The following ANKDD1B variants were observed in gnomAD, a reference collection of about 807,000 sequenced individuals.
ANKDD1B encodes the protein ankyrin repeat and death domain-containing protein 1B.
ANKDD1B carries 57 observed loss-of-function variants against 59.7 expected under a neutral mutation model. The observed-to-expected ratio is 0.95, with a 90% CI of 0.77 to 1.19. The LOEUF (loss-of-function observed/expected upper bound fraction) is 1.19, where lower values mean the gene tolerates loss of function less well. ANKDD1B is among the 50% of genes most tolerant of loss of function. ANKDD1B has a pLI of 0.00. For synonymous variants in ANKDD1B, 216 were observed against 239.5 expected, an observed-to-expected ratio of 0.90 and a Z score of 0.91; for missense variants, 602 against 641.9, an observed-to-expected ratio of 0.94 and a Z score of 0.67.
intron 1 of ANKDD1B, among the ~76,000 whole-genome samples, chr5:75,612,191 T>A (rs1000650576): frequency 6.6e-6 from 1 of 152,232 alleles, no homozygotes; most frequent in African/African-American, 2.4e-5. Context: ...AGTCAGTCAC[T>A]TAATCTTTCT....
intron 7 of ANKDD1B, among the ~76,000 whole-genome samples, chr5:75,648,271 A>AAAAAAAAATT (rs1561444218): frequency 4.1e-5 from 2 of 49,182 alleles, no homozygotes; most frequent in Non-Finnish European, 8.5e-5. Flanking sequence ...AAAAATTAAA[A>AAAAAAAAATT]AAAAAAAAAA....
intron 3 of ANKDD1B, among the ~76,000 whole-genome samples, chr5:75,622,070 C>T (rs1032355874): frequency 6.6e-6 from 1 of 152,206 alleles, no homozygotes; most frequent in African/African-American, 2.4e-5. Context: ...CTGGCAGCTT[C>T]TTTATCTGAA....
rs1774968680 is a variant in ANKDD1B at position 75,656,111 on chromosome 5, T to C, written c.980T>C (p.Ile327Thr). ...AGTTTATTAAGTGCACAGCATGATA[T>C]TGACATCTTAAATCAGGTAAGCCAG... ...VNSLLSAQHD[I>T]DILNQKQQTP... Residue 327 changes from isoleucine to threonine, a missense_variant, in exon 9 of 14, where the codon ATT becomes ACT. Physicochemically the swap from Ile to Thr is moderately conservative, Grantham distance 89 (BLOSUM62 -1). Around this residue, in one of 3 missense-constraint regions of ANKDD1B, gnomAD observed 280 missense variants for 319.8 expected, o/e 0.88. Coordinates refer to ENST00000601380, the MANE Select transcript of ANKDD1B (RefSeq NM_001276713.2). 1.3e-6 allele frequency: 2 copies of C among 1,515,186 alleles called. No homozygotes were observed. The highest frequency in any genetic ancestry group is 8.9e-7 in the Non-Finnish European group (1 of 1,129,806). The allele number at this position is 1,515,186 out of a possible 1,614,324, so 93.9% of individuals were successfully genotyped here. A position where few individuals can be genotyped will look rare whatever the true frequency, so the allele number is the denominator to read the frequency against.
chr5:75,620,302 TA>T lies in ANKDD1B; in HGVS notation c.298-12del. ...TGATCAGATGACTAAAAACATAAAT[TA>T]TGCTTCCTCAGATGAACCGCACAGC... On this transcript the variant is annotated splice_polypyrimidine_tract_variant and intron_variant, in intron 2 of 13. Transcript: ENST00000601380. 1 of 1,416,376 alleles carries T rather than the reference TA, an allele frequency of 7.1e-7. No homozygotes were observed. Among genetic ancestry groups the T allele is most frequent in the Non-Finnish European group, 9.5e-7 (1 of 1,047,414 alleles). The allele number at this position is 1,416,376 out of a possible 1,614,324, so 87.7% of individuals were successfully genotyped here. A position where few individuals can be genotyped will look rare whatever the true frequency, so the allele number is the denominator to read the frequency against.
At chr5:75,663,762 T>TGAGC (rs1019254216) in intron 11 of ANKDD1B, among the ~76,000 whole-genome samples, 2 of 152,238 alleles carry the variant, frequency 1.3e-5, no homozygotes, top group Non-Finnish European at 2.9e-5. Context: ...GCCTAGCGTG[T>TGAGC]GAGCCCCTGA....
intron 11 of ANKDD1B, among the ~76,000 whole-genome samples, chr5:75,666,175 C>T (rs1314183184): frequency 6.6e-6 from 1 of 152,148 alleles, no homozygotes; most frequent in East Asian, 1.9e-4. Flanking sequence ...AGTCAGAAAA[C>T]AAGATGCCAA....
intron 7 of ANKDD1B, among the ~76,000 whole-genome samples, chr5:75,639,599 C>T (rs968711640): frequency 1.3e-5 from 2 of 152,170 alleles, no homozygotes; most frequent in Admixed American, 1.3e-4. Context: ...GGTTTCTACA[C>T]TCTTGTGTTC....
intron 7 of ANKDD1B, among the ~76,000 whole-genome samples, chr5:75,648,612 G>T (rs897764290): frequency 3.9e-5 from 6 of 152,168 alleles, no homozygotes; most frequent in African/African-American, 1.2e-4. Flanking sequence ...GCCTGGAAAT[G>T]ATCGTGAATC....
At position 75,622,313 on chromosome 5, in the gene ANKDD1B, C is replaced by A. The variant is rs193003503; in HGVS notation, c.396+1900C>A. On this transcript the variant is annotated intron_variant, in intron 3 of 13. Coordinates refer to ENST00000601380, the MANE Select transcript of ANKDD1B (RefSeq NM_001276713.2). ...GAAATGCAGGATCTCAGGCCCCACC[C>A]CAGGCCTTAATCAGAATCTGCATTT... 2.8e-4 allele frequency among the ~76,000 whole-genome samples: 43 copies of A among 152,292 alleles called. 1 individual carries two copies. In the East Asian group the frequency reaches 4.6e-3, roughly 16 times the overall value.
At chr5:75,625,591 A>T in intron 3 of ANKDD1B, 56 bp from the exon 4 acceptor site, 1 of 1,376,774 alleles carries the variant, frequency 7.3e-7, no homozygotes. Context: ...ATGAGGCAGT[A>T]TATGGCTGCA....
chr5:75,669,178 T>C (rs1775399638), intron 12 of ANKDD1B, 74 bp from the exon 13 acceptor site: 2 of 1,221,774 alleles, frequency 1.6e-6, no homozygotes, highest in Admixed American at 8.5e-5. Context: ...GAAAGTTTAG[T>C]TGGAACTGAG....
chr5:75,635,581 A>C (rs775292003), intron 6 of ANKDD1B: 38 of 383,676 alleles, frequency 9.9e-5, no homozygotes, highest in Middle Eastern at 6.6e-4. Context: ...TTTTTTTCCT[A>C]CTGGTTCAAA....
chr5:75,613,703 G>C (rs541597470), intron 1 of ANKDD1B, among the ~76,000 whole-genome samples: 5 of 152,308 alleles, frequency 3.3e-5, no homozygotes, highest in African/African-American at 1.2e-4. Flanking sequence ...AAATGTAGAG[G>C]CTAGCTAGTC....
intron 5 of ANKDD1B, among the ~76,000 whole-genome samples, chr5:75,631,732 C>G (rs2112973958): frequency 6.6e-6 from 1 of 152,198 alleles, no homozygotes; most frequent in Middle Eastern, 3.4e-3. Flanking sequence ...TAATTTGTGC[C>G]CACATCTTCT....
intron 3 of ANKDD1B, 130 bp downstream of exon 3, chr5:75,620,543 G>A (rs1342365456): frequency 8.4e-6 from 5 of 593,840 alleles, no homozygotes; most frequent in African/African-American, 5.6e-5. Flanking sequence ...TTTTGGAAAG[G>A]TCTCTTCATA....
At chr5:75,655,633 C>T (rs1396480856) in intron 8 of ANKDD1B, among the ~76,000 whole-genome samples, 1 of 152,218 alleles carries the variant, frequency 6.6e-6, no homozygotes, top group African/African-American at 2.4e-5. Context: ...CCTATCCCCA[C>T]ACTGGCTCTT....
rs571911078 is a variant in ANKDD1B at position 75,621,287 on chromosome 5, T to C, written c.396+874T>C. 2.1e-3 allele frequency among the ~76,000 whole-genome samples: 326 copies of C among 152,310 alleles called. 1 individual carries two copies. Among genetic ancestry groups the C allele is most frequent in the African/African-American group, 7.7e-3 (319 of 41,578 alleles). ...AGAGAGCTTCTCTTGGAAATCTTTC[T>C]GACTGTGCCCAGGGCACAGTTCCAT... is the stretch of plus-strand genomic sequence containing the variant. On this transcript the variant is annotated intron_variant, in intron 3 of 13. Transcript: ENST00000601380.
rs370907219 is a variant in ANKDD1B at position 75,644,131 on chromosome 5, C to T, written c.798+8249C>T. Among the ~76,000 whole-genome samples, 236 of 104,248 alleles carry T rather than the reference C, an allele frequency of 2.3e-3. 8 individuals are homozygous for T. The East Asian group carries it at 0.041, about 18-fold the overall frequency. The allele number at this position is 104,248 out of a possible 152,430, so 68.4% of individuals were successfully genotyped here. A position where few individuals can be genotyped will look rare whatever the true frequency, so the allele number is the denominator to read the frequency against. On this transcript the variant is annotated intron_variant, in intron 7 of 13. Transcript: ENST00000601380. ...ATGGAAAGGAACAACTGGTACCAGC[C>T]GCTGCAAAATCATGCCAAAATGTAA...
rs79221210 is a variant in ANKDD1B at position 75,656,085 on chromosome 5, C to G, written c.954C>G (p.Asn318Lys). 5,106 of 1,529,122 alleles carry G rather than the reference C, an allele frequency of 3.3e-3. 148 individuals carry two copies. In the African/African-American group the frequency reaches 0.063, roughly 19 times the overall value. The allele number at this position is 1,529,122 out of a possible 1,614,324, so 94.7% of individuals were successfully genotyped here. A position where few individuals can be genotyped will look rare whatever the true frequency, so the allele number is the denominator to read the frequency against. ...TCAACAACCACATCACGGTTGTAAACAGTTTATTAAGTGCACAGCATGATA... is the reference window on the plus strand; with the variant it reads ...TCAACAACCACATCACGGTTGTAAAGAGTTTATTAAGTGCACAGCATGATA... ...VVINNHITVV[N>K]SLLSAQHDID... Residue 318 changes from asparagine to lysine, a missense_variant, in exon 9 of 14, where the codon AAC becomes AAG. By Grantham distance (94) the Asn-to-Lys change is moderately conservative (BLOSUM62 0). This residue lies in a region of ANKDD1B where 280 missense variants were observed against 319.8 expected (regional missense o/e 0.88). Coordinates refer to ENST00000601380, the MANE Select transcript of ANKDD1B (RefSeq NM_001276713.2).
Sources: allele counts gnomAD v4.1 joint callset (sites outside exome capture counted in the v4.1 genomes callset), GRCh38; gene constraint gnomAD v4.1.1; regional missense constraint gnomAD v4.1.1; transcripts MANE v1.5; gene names NCBI Gene and HGNC (gene_info 2026-07-23, HGNC 2026-07-21).